Variants in TFDP2 observed in about 807,000 individuals in gnomAD.
TFDP2 encodes transcription factor Dp-2 (E2F dimerization partner 2).
Under a neutral mutation model 59.3 loss-of-function variants are expected in TFDP2, and 17 were observed. That is an observed-to-expected ratio of 0.29 (90% CI 0.20 to 0.43). TFDP2 has a LOEUF of 0.43. Ranked by LOEUF, TFDP2 falls within the 20% of genes least tolerant of loss-of-function variation. The probability of loss-of-function intolerance (pLI) is 1.00; values close to 1 mark genes in which losing one functional copy is unlikely to be tolerated. For missense variants in TFDP2, 391 were observed against 528.8 expected, an observed-to-expected ratio of 0.74 and a Z score of 2.56; for synonymous variants, 180 against 194.7, an observed-to-expected ratio of 0.92 and a Z score of 0.63.
chr3:142,003,912 T>C (rs11569190), intron 4 of TFDP2, among the ~76,000 whole-genome samples: 11,529 of 152,210 alleles, frequency 0.076, 551 homozygotes, highest in Non-Finnish European at 0.11. Context: ...TATAGCAGCA[T>C]TAAACAAAAA....
At chr3:142,078,874 G>C (rs1453921518) in intron 3 of TFDP2, among the ~76,000 whole-genome samples, 2 of 152,106 alleles carry the variant, frequency 1.3e-5, no homozygotes, top group Non-Finnish European at 2.9e-5. Context: ...CAAAATTGCT[G>C]TTTTGAAGTA....
intron 3 of TFDP2, among the ~76,000 whole-genome samples, chr3:142,040,464 GTT>G (rs1946907395): frequency 6.6e-6 from 1 of 150,486 alleles, no homozygotes; most frequent in African/African-American, 2.4e-5. Flanking sequence ...TCTCGCTCTT[GTT>G]ATCCAGGCTG....
chr3:142,023,365 AT>A (rs1309200991), intron 3 of TFDP2, among the ~76,000 whole-genome samples: 56 of 145,450 alleles, frequency 3.9e-4, no homozygotes, highest in African/African-American at 1.3e-3. Context: ...TTTTTCTTGT[AT>A]TTTTAGTAGA....
chr3:142,120,356 C>T (rs1025626411), intron 1 of TFDP2, among the ~76,000 whole-genome samples: 10 of 151,614 alleles, frequency 6.6e-5, no homozygotes, highest in Admixed American at 3.3e-4. Flanking sequence ...AGCCAGACTA[C>T]GTCTCAAAAA....
intron 3 of TFDP2, among the ~76,000 whole-genome samples, chr3:142,020,368 T>G (rs1945492353): frequency 6.6e-6 from 1 of 152,126 alleles, no homozygotes; most frequent in South Asian, 2.1e-4. Flanking sequence ...ACCCTGCCTC[T>G]ACTAAAAATA....
At chr3:142,146,998 G>C (rs2063203187) in intron 1 of TFDP2, among the ~76,000 whole-genome samples, 2 of 150,020 alleles carry the variant, frequency 1.3e-5, no homozygotes, top group African/African-American at 4.9e-5. Flanking sequence ...GGTGAGGTGG[G>C]AGGATCACTT....
At position 141,952,261 on chromosome 3, in the gene TFDP2, T is replaced by C; in HGVS notation, c.*252A>G. 2.8e-6 allele frequency: 1 copy of C among 351,390 alleles called. No individual in the cohort carries two copies. The highest frequency in any genetic ancestry group is 6.7e-5 in the South Asian group (1 of 14,828). 21.8% of individuals were successfully genotyped at this position (351,390 alleles called of 1,614,324 possible). ...CCAACTCTTCAGGGATTATCCCCAC[T>C]ATCTCCTCAGAAAGCATGCTTTCTT... On this transcript the variant is annotated 3_prime_UTR_variant, in exon 13 of 13. Coordinates refer to ENST00000489671, the MANE Select transcript of TFDP2 (RefSeq NM_001178139.2).
chr3:141,964,789 ACTT>A (rs1355142341), intron 9 of TFDP2, among the ~76,000 whole-genome samples: 3 of 152,122 alleles, frequency 2.0e-5, no homozygotes, highest in African/African-American at 4.8e-5. Context: ...CCTCCACAGA[ACTT>A]CTCAGCAGCC....
chr3:142,074,475 G>A (rs1364380398), intron 3 of TFDP2, among the ~76,000 whole-genome samples: 1 of 152,150 alleles, frequency 6.6e-6, no homozygotes, highest in African/African-American at 2.4e-5. Flanking sequence ...CACTTTGGGA[G>A]ACCAAGGCGG....
intron 6 of TFDP2, among the ~76,000 whole-genome samples, chr3:141,992,077 A>AG (rs1553768573): frequency 6.9e-6 from 1 of 145,900 alleles, no homozygotes; most frequent in East Asian, 2.0e-4. Context: ...AAAGAAAGAA[A>AG]GAAGGAAGGA....
At chr3:142,033,234 G>T (rs1160077417) in intron 3 of TFDP2, among the ~76,000 whole-genome samples, 3 of 152,054 alleles carry the variant, frequency 2.0e-5, no homozygotes, top group Admixed American at 2.0e-4. Context: ...TTTAAAATTT[G>T]ATTTCTCAGT....
intron 3 of TFDP2, among the ~76,000 whole-genome samples, chr3:142,008,307 C>G (rs912447193): frequency 6.6e-6 from 1 of 151,950 alleles, no homozygotes. Context: ...ACAAACCAGT[C>G]TTTCAACTGG....
At chr3:142,141,844 G>C (rs940359446) in intron 1 of TFDP2, among the ~76,000 whole-genome samples, 2 of 151,566 alleles carry the variant, frequency 1.3e-5, no homozygotes, top group Admixed American at 1.3e-4. Flanking sequence ...AAAGTCAAAA[G>C]AGCATGAAAT....
At chr3:142,093,026 CTT>C (rs1339181535) in intron 3 of TFDP2, 33 bp downstream of exon 3, 2 of 1,432,040 alleles carry the variant, frequency 1.4e-6, no homozygotes, top group South Asian at 1.3e-5. Flanking sequence ...ATAAAACTAA[CTT>C]AATTCAGAAA....
In TFDP2 at chr3:142,123,718, TA is replaced by T. The variant is rs1204099443; in HGVS notation, c.-92-21878del. 2.6e-5 allele frequency among the ~76,000 whole-genome samples: 4 copies of T among 152,328 alleles called. No homozygotes were observed. In the East Asian group the frequency reaches 7.7e-4, roughly 29 times the overall value. ...GGATATATTTTTCATTATGCATCAC[TA>T]AAGAAACAATCCCATTAAATAAAAG... is the stretch of plus-strand genomic sequence containing the variant. On this transcript the variant is annotated intron_variant, in intron 1 of 12. Transcript: ENST00000489671.
rs201893442 is a variant in TFDP2 at position 141,964,650 on chromosome 3, T to TCAAAA, written c.733-692_733-688dup. Among the ~76,000 whole-genome samples, 906 of 151,946 alleles carry TCAAAA rather than the reference T, an allele frequency of 6.0e-3. 7 individuals carry two copies. Among genetic ancestry groups the TCAAAA allele is most frequent in the African/African-American group, 0.021 (860 of 41,422 alleles). ...CTGGGTGACAGAATGAGACCCTGTC[T>TCAAAA]CAAAACAAAACAAAAAAAAACTCAT... is the stretch of plus-strand genomic sequence containing the variant. On this transcript the variant is annotated intron_variant, in intron 9 of 12. Transcript: ENST00000489671.
intron 4 of TFDP2, among the ~76,000 whole-genome samples, chr3:142,004,002 T>C (rs1416461586): frequency 6.6e-6 from 1 of 152,224 alleles, no homozygotes; most frequent in East Asian, 1.9e-4. Flanking sequence ...TTAATTTTGG[T>C]GCTTATATAA....
Position 142,025,521 on chromosome 3 carries a change from AAT to A in TFDP2, c.83-19979_83-19978del, listed in dbSNP as rs146610994. On this transcript the variant is annotated intron_variant, in intron 3 of 12. Coordinates refer to ENST00000489671, the MANE Select transcript of TFDP2 (RefSeq NM_001178139.2). ...ATTGTAAGTGATACACATTTTTTAT[AAT>A]CACAATCTATGATGCTGTCACAGTT... Among the ~76,000 whole-genome samples, 1,222 of 152,336 alleles carry A rather than the reference AAT, an allele frequency of 8.0e-3. 18 individuals carry two copies. The highest frequency in any genetic ancestry group is 0.027 in the African/African-American group (1,135 of 41,566).
rs575472025 is a variant in TFDP2 at position 141,985,597 on chromosome 3, A to T, written c.357-6915T>A. Among the ~76,000 whole-genome samples, 19 of 152,086 alleles carry T rather than the reference A, an allele frequency of 1.2e-4. No individual in the cohort carries two copies. The South Asian group carries it at 2.3e-3, about 18-fold the overall frequency. On this transcript the variant is annotated intron_variant, in intron 6 of 12. Transcript: ENST00000489671. ...TATGCTTCTGGGTTACATTTGACAA[A>T]TTAACCTTAATAAAAATTAACTCAA...
Sources: allele counts gnomAD v4.1 joint callset (sites outside exome capture counted in the v4.1 genomes callset), GRCh38; gene constraint gnomAD v4.1.1; transcripts MANE v1.5; gene names NCBI Gene and HGNC (gene_info 2026-07-23, HGNC 2026-07-21).